The following ABTB3 variants were observed in gnomAD, a reference collection of about 807,000 sequenced individuals.
ABTB3 encodes ankyrin repeat- and BTB/POZ domain-containing protein 3.
At chr12:107,449,295 A>G in the ABTB3 span, among the ~76,000 whole-genome samples, 1 of 152,226 alleles carries the variant, frequency 6.6e-6, no homozygotes, top group Non-Finnish European at 1.5e-5. Context: ...GTTCGTGAAC[A>G]GGCTGGGCAT....
chr12:107,482,977 TTTCTTTCTTTCC>T, the ABTB3 span, among the ~76,000 whole-genome samples: 8,038 of 50,248 alleles, frequency 0.16, 301 homozygotes, highest in South Asian at 0.19. Flanking sequence ...TCTTTCTTTC[TTTCTTTCTTTCC>T]TTCCTTCCTT....
chr12:107,557,261 AG>A, the ABTB3 span, among the ~76,000 whole-genome samples: 2 of 152,354 alleles, frequency 1.3e-5, no homozygotes, highest in African/African-American at 4.8e-5. Flanking sequence ...TGTGGCTCCC[AG>A]GCTACAAACC....
the ABTB3 span, among the ~76,000 whole-genome samples, chr12:107,443,147 G>A: frequency 6.6e-6 from 1 of 152,122 alleles, no homozygotes; most frequent in African/African-American, 2.4e-5. Context: ...GGAATTTGGG[G>A]AGGACATGAC....
At chr12:107,623,402 C>G in the ABTB3 span, among the ~76,000 whole-genome samples, 1 of 101,380 alleles carries the variant, frequency 9.9e-6, no homozygotes, top group East Asian at 3.0e-4. Context: ...AGTCTCACTC[C>G]GTCGCCCAGG....
At chr12:107,377,341 C>T in the ABTB3 span, among the ~76,000 whole-genome samples, 330 of 152,086 alleles carry the variant, frequency 2.2e-3, 1 homozygote, top group Non-Finnish European at 3.9e-3. Context: ...TCCGGTTTTG[C>T]TTCTCACCCT....
At chr12:107,544,009 C>A in the ABTB3 span, 3 of 1,614,048 alleles carry the variant, frequency 1.9e-6, no homozygotes, top group Non-Finnish European at 1.7e-6. Context: ...CACCCCCCTG[C>A]ACCACAAGCA....
At chr12:107,488,944 A>G in the ABTB3 span, among the ~76,000 whole-genome samples, 1 of 152,172 alleles carries the variant, frequency 6.6e-6, no homozygotes, top group Non-Finnish European at 1.5e-5. Context: ...GAAAGAAGCA[A>G]CCATCAGCAC....
chr12:107,452,248 G>T, the ABTB3 span, among the ~76,000 whole-genome samples: 1 of 130,990 alleles, frequency 7.6e-6, no homozygotes, highest in African/African-American at 2.8e-5. Context: ...TCACTCTGTC[G>T]CCCAGGCTGG....
chr12:107,509,060 A>C, the ABTB3 span, among the ~76,000 whole-genome samples: 12 of 152,180 alleles, frequency 7.9e-5, no homozygotes, highest in African/African-American at 2.7e-4. Context: ...GGACTGAAGC[A>C]GGTGTTCACA....
the ABTB3 span, among the ~76,000 whole-genome samples, chr12:107,449,256 G>T: frequency 4.9e-3 from 752 of 152,304 alleles, 26 homozygotes; most frequent in Admixed American, 0.043. Context: ...AGATGGGATG[G>T]CTCTTCTTCA....
chr12:107,479,457 C>G, the ABTB3 span, among the ~76,000 whole-genome samples: 1 of 152,134 alleles, frequency 6.6e-6, no homozygotes, highest in East Asian at 1.9e-4. Flanking sequence ...AGTGAATGGT[C>G]TCCACTTTAT....
the ABTB3 span, among the ~76,000 whole-genome samples, chr12:107,469,059 A>T: frequency 2.6e-5 from 4 of 152,176 alleles, no homozygotes; most frequent in African/African-American, 4.8e-5. Flanking sequence ...TTGATGGGTG[A>T]GGGCTGGGTT....
the ABTB3 span, among the ~76,000 whole-genome samples, chr12:107,409,460 C>A: frequency 6.6e-6 from 1 of 152,226 alleles, no homozygotes; most frequent in Non-Finnish European, 1.5e-5. Context: ...GATACATGCA[C>A]CTGTATGTGC....
chr12:107,467,300 C>G, the ABTB3 span, among the ~76,000 whole-genome samples: 3 of 151,978 alleles, frequency 2.0e-5, no homozygotes, highest in African/African-American at 4.8e-5. Flanking sequence ...AGAAAACGGG[C>G]CTTTGTATTT....
the ABTB3 span, among the ~76,000 whole-genome samples, chr12:107,565,653 T>C: frequency 6.6e-6 from 1 of 152,214 alleles, no homozygotes; most frequent in South Asian, 2.1e-4. Flanking sequence ...TGAGATCTGC[T>C]TTGGTTCTTC....
the ABTB3 span, among the ~76,000 whole-genome samples, chr12:107,499,381 T>C: frequency 1.9e-4 from 29 of 151,476 alleles, no homozygotes; most frequent in Non-Finnish European, 3.5e-4. Context: ...TGTGTGTGTG[T>C]GCGTGTGGTG....
chr12:107,430,093 C>CTA, the ABTB3 span, among the ~76,000 whole-genome samples: 2 of 152,190 alleles, frequency 1.3e-5, no homozygotes, highest in Non-Finnish European at 2.9e-5. Flanking sequence ...GCTATGCATA[C>CTA]TGTTTGTATT....
chr12:107,331,845 AG>A, the ABTB3 span, among the ~76,000 whole-genome samples: 2 of 152,158 alleles, frequency 1.3e-5, no homozygotes, highest in Non-Finnish European at 2.9e-5. Context: ...CCTCTGGTTC[AG>A]CTTGCTGCGG....
the ABTB3 span, among the ~76,000 whole-genome samples, chr12:107,586,527 G>A: frequency 6.0e-4 from 92 of 152,240 alleles, no homozygotes; most frequent in Non-Finnish European, 1.1e-3. Context: ...ACCTCCAGCA[G>A]ACATCACACT....
Sources: gnomAD v4.1 joint callset for allele counts (sites outside exome capture counted in the v4.1 genomes callset) on GRCh38, gnomAD v4.1.1 for gene constraint, MANE v1.5 for transcripts, NCBI Gene and HGNC (gene_info 2026-07-23, HGNC 2026-07-21) for gene names.